Variants in RPRD2 observed in about 807,000 individuals in gnomAD.
RPRD2 encodes the protein regulation of nuclear pre-mRNA domain containing 2.
RPRD2 carries 12 observed loss-of-function variants against 104.4 expected under a neutral mutation model. The observed-to-expected ratio is 0.11, with a 90% confidence interval of 0.07 to 0.19. RPRD2 has a LOEUF of 0.19. Ranked by LOEUF, RPRD2 falls within the 10% of genes least tolerant of loss-of-function variation. The pLI is 1.00. For missense variants in RPRD2, 1,543 were observed against 1,790.1 expected (o/e 0.86, Z 2.49); for synonymous variants, 714 against 684.9 (o/e 1.04, Z -0.66).
At chr1:150,440,556 AAAAT>A (rs1553894176) in intron 2 of RPRD2, among the ~76,000 whole-genome samples, 1 of 152,206 alleles carries the variant, frequency 6.6e-6, no homozygotes, top group East Asian at 1.9e-4. Context: ...AAAAAATGAA[AAAAT>A]ACAGCATTGC....
At position 150,473,476 on chromosome 1, in the gene RPRD2, A is replaced by G; in HGVS notation, c.*142A>G. 1.4e-6 allele frequency: 1 copy of G among 696,650 alleles called. No homozygotes were observed. The highest frequency in any genetic ancestry group is 2.8e-5 in the South Asian group (1 of 35,136). The allele number at this position is 696,650 out of a possible 1,614,324, so 43.2% of individuals were successfully genotyped here. A position where few individuals can be genotyped will look rare whatever the true frequency, so the allele number is the denominator to read the frequency against. On this transcript the variant is annotated 3_prime_UTR_variant, in exon 11 of 11. Coordinates refer to ENST00000369068, the MANE Select transcript of RPRD2 (RefSeq NM_015203.5). ...AAGGGCCTCTCTTCCAAAGTAAGAAATCACATACGCTTACGTTTTACTATT... is the reference window on the plus strand; with the variant it reads ...AAGGGCCTCTCTTCCAAAGTAAGAAGTCACATACGCTTACGTTTTACTATT...
intron 1 of RPRD2, among the ~76,000 whole-genome samples, chr1:150,398,712 T>G (rs1662741139): frequency 6.6e-6 from 1 of 151,648 alleles, no homozygotes; most frequent in South Asian, 2.1e-4. Flanking sequence ...CCTAGCTAAT[T>G]TTTGTATTTT....
At chr1:150,411,379 T>C (rs1432267671) in intron 1 of RPRD2, among the ~76,000 whole-genome samples, 7 of 142,194 alleles carry the variant, frequency 4.9e-5, no homozygotes, top group African/African-American at 1.6e-4. Flanking sequence ...GAGAATTGCT[T>C]GAACCTGGGA....
At chr1:150,414,583 G>C (rs1664198653) in intron 1 of RPRD2, among the ~76,000 whole-genome samples, 1 of 152,082 alleles carries the variant, frequency 6.6e-6, no homozygotes, top group South Asian at 2.1e-4. Flanking sequence ...TGAAAACCAG[G>C]AGAGTGGTTA....
chr1:150,460,221 C>A lies in RPRD2; in HGVS notation c.1315C>A (p.Pro439Thr). 6.2e-7 allele frequency: 1 copy of A among 1,613,892 alleles called. No individual in the cohort carries two copies. Among genetic ancestry groups the A allele is most frequent in the Non-Finnish European group, 8.5e-7 (1 of 1,179,848 alleles). The change falls in exon 9 of 11, where the codon CCT becomes ACT. Residue 439 changes from proline to threonine, a missense_variant. By Grantham distance (38) the Pro-to-Thr change is conservative. Around this residue, in one of 4 missense-constraint regions of RPRD2, gnomAD observed 572 missense variants for 787.3 expected, o/e 0.73. Coordinates refer to ENST00000369068, the MANE Select transcript of RPRD2 (RefSeq NM_015203.5). ...AAAGCCTGTGAATACTTCTCTTTCC[C>A]CTTCCCCAGCATTGGCTTTGCCAAA... is the stretch of plus-strand genomic sequence containing the variant. Reference protein sequence around the residue: ...LPKPVNTSLSPSPALALPNLA... With the variant: ...LPKPVNTSLSTSPALALPNLA...
At position 150,460,203 on chromosome 1, in the gene RPRD2, G is replaced by A; in HGVS notation, c.1297G>A (p.Val433Met). ...MTATPPLPKP[V>M]NTSLSPSPAL... ...AGCAACTCCACCTCTTCCAAAGCCT[G>A]TGAATACTTCTCTTTCCCCTTCCCC... Residue 433 changes from valine (V) to methionine (M), a missense_variant, in exon 9 of 11, where the codon GTG becomes ATG. Physicochemically the swap from Val to Met is conservative, Grantham distance 21 (BLOSUM62 1). Coordinates refer to ENST00000369068, the MANE Select transcript of RPRD2 (RefSeq NM_015203.5). 2 of 1,613,918 alleles carry A rather than the reference G, an allele frequency of 1.2e-6. No individual in the cohort carries two copies. The highest frequency in any genetic ancestry group is 1.7e-6 in the Non-Finnish European group (2 of 1,179,886).
intron 2 of RPRD2, among the ~76,000 whole-genome samples, chr1:150,439,677 A>C (rs1002364414): frequency 7.0e-6 from 1 of 141,924 alleles, no homozygotes; most frequent in Admixed American, 7.2e-5. Context: ...GGATTCACTT[A>C]AGGAGAGGTT....
rs777996721 is a variant in RPRD2 at position 150,472,995 on chromosome 1, C to T, written c.4047C>T (p.His1349=). Residue 1349 remains histidine, a synonymous_variant, in exon 11 of 11, where the codon CAC becomes CAT. Coordinates refer to ENST00000369068, the MANE Select transcript of RPRD2 (RefSeq NM_015203.5). ...GGGTACTCCCAGGACCCAGGGACCA[C>T]GGGGGCCCCACCCAACGGGACCTCA... ...HFGVLPGPRD[H]GGPTQRDLNG... 3.0e-5 allele frequency: 49 copies of T among 1,613,876 alleles called. No homozygotes were observed. Among genetic ancestry groups the T allele is most frequent in the African/African-American group, 2.0e-4 (15 of 74,946 alleles).
chr1:150,365,144 C>G (rs192317446), intron 1 of RPRD2, among the ~76,000 whole-genome samples: 1 of 152,314 alleles, frequency 6.6e-6, no homozygotes, highest in Admixed American at 6.5e-5. Flanking sequence ...TTGTTGTGAC[C>G]TTGGGCCGTT....
At position 150,377,597 on chromosome 1, in the gene RPRD2, C is replaced by CAA. The variant is rs1178580863; in HGVS notation, c.205+12693_205+12694dup. On this transcript the variant is annotated intron_variant, in intron 1 of 10. Transcript: ENST00000369068. ...TGGGCGACAGAGCAAGACTGCGTCT[C>CAA]AAAAAAAAAAAAAAAACATTTAGTA... 1.6e-3 allele frequency among the ~76,000 whole-genome samples: 153 copies of CAA among 96,894 alleles called. 1 individual carries two copies. In the Middle Eastern group the frequency reaches 0.019, roughly 12 times the overall value. 63.6% of individuals were successfully genotyped at this position (96,894 alleles called of 152,430 possible). A position where few individuals can be genotyped will look rare whatever the true frequency, so the allele number is the denominator to read the frequency against.
chr1:150,403,193 T>G (rs1256177483), intron 1 of RPRD2, among the ~76,000 whole-genome samples: 24 of 152,210 alleles, frequency 1.6e-4, no homozygotes, highest in African/African-American at 5.8e-4. Flanking sequence ...TTGAATAATG[T>G]CTGCTATATT....
intron 2 of RPRD2, among the ~76,000 whole-genome samples, chr1:150,428,822 T>A (rs797040307): frequency 6.6e-6 from 1 of 152,170 alleles, no homozygotes; most frequent in South Asian, 2.1e-4. Context: ...TCTGGACACC[T>A]CCTCTTGTAC....
At chr1:150,371,171 C>T (rs1660272354) in intron 1 of RPRD2, among the ~76,000 whole-genome samples, 1 of 152,154 alleles carries the variant, frequency 6.6e-6, no homozygotes, top group South Asian at 2.1e-4. Context: ...GTTTGGATAT[C>T]GAGATCCTTA....
rs56743462 is a variant in RPRD2, at chr1:150,373,533, C to CTTTTTTTTTTTTTT, written c.205+8622_205+8635dup. Among the ~76,000 whole-genome samples, 40 of 97,410 alleles carry CTTTTTTTTTTTTTT rather than the reference C, an allele frequency of 4.1e-4. 3 individuals carry two copies. Among genetic ancestry groups the CTTTTTTTTTTTTTT allele is most frequent in the Non-Finnish European group, 5.6e-4 (28 of 49,660 alleles). 63.9% of individuals were successfully genotyped at this position (97,410 alleles called of 152,430 possible). ...AGAGGAGGAGAATAATCAAGAATGA[C>CTTTTTTTTTTTTTT]TTTTTTTTTTTTTTTTTTTTTAGCT... On this transcript the variant is annotated intron_variant, in intron 1 of 10. Transcript: ENST00000369068.
intron 1 of RPRD2, among the ~76,000 whole-genome samples, chr1:150,373,046 C>G (rs782741362): frequency 2.0e-5 from 3 of 151,118 alleles, no homozygotes; most frequent in Non-Finnish European, 2.9e-5. Context: ...CGGAATTTTG[C>G]TCTGTTGCTC....
chr1:150,434,250 G>T (rs149280777), intron 2 of RPRD2, among the ~76,000 whole-genome samples: 2 of 152,182 alleles, frequency 1.3e-5, no homozygotes, highest in African/African-American at 2.4e-5. Flanking sequence ...CAGCTGCTGG[G>T]GAGGCTGAGG....
chr1:150,382,285 G>C (rs1661196877), intron 1 of RPRD2, among the ~76,000 whole-genome samples: 1 of 152,070 alleles, frequency 6.6e-6, no homozygotes, highest in Non-Finnish European at 1.5e-5. Flanking sequence ...TTCCTATTTT[G>C]ATTATTTCAA....
chr1:150,382,406 A>C (rs782135646), intron 1 of RPRD2, among the ~76,000 whole-genome samples: 2 of 152,076 alleles, frequency 1.3e-5, no homozygotes, highest in Non-Finnish European at 2.9e-5. Flanking sequence ...TTGTTTTGAG[A>C]CAGAGTTTGG....
chr1:150,438,558 G>T (rs587733184), intron 2 of RPRD2, among the ~76,000 whole-genome samples: 7 of 152,056 alleles, frequency 4.6e-5, no homozygotes, highest in African/African-American at 1.7e-4. Flanking sequence ...GAACCCAGGA[G>T]GCGGAAGTTG....
Sources: allele counts gnomAD v4.1 joint callset (sites outside exome capture counted in the v4.1 genomes callset), GRCh38; gene constraint gnomAD v4.1.1; regional missense constraint gnomAD v4.1.1; transcripts MANE v1.5; gene names NCBI Gene and HGNC (gene_info 2026-07-23, HGNC 2026-07-21).